Variants in LRP1B observed in about 807,000 individuals in gnomAD.
The protein encoded by LRP1B is low-density lipoprotein receptor-related protein 1B.
Under a neutral mutation model 556.6 loss-of-function variants are expected in LRP1B, and 217 were observed. That is an observed-to-expected ratio of 0.39 (90% CI 0.35 to 0.44). The LOEUF (loss-of-function observed/expected upper bound fraction) is 0.44. LRP1B is among the 20% of genes least tolerant of loss of function. The pLI, the probability that LRP1B is intolerant of heterozygous loss-of-function variation, is 1.00. For synonymous variants in LRP1B, 2,047 were observed against 1,865.8 expected, an observed-to-expected ratio of 1.10 and a Z score of -2.50; for missense variants, 5,053 against 5,620.8, an observed-to-expected ratio of 0.90 and a Z score of 3.23.
intron 3 of LRP1B, among the ~76,000 whole-genome samples, chr2:141,399,775 C>T (rs572431265): frequency 5.3e-5 from 8 of 152,054 alleles, no homozygotes; most frequent in Non-Finnish European, 8.8e-5. Context: ...ATCAGTTTGG[C>T]GAGATAGAAA....
chr2:141,474,050 T>TCCC (rs1298718612), intron 3 of LRP1B, among the ~76,000 whole-genome samples: 57 of 69,260 alleles, frequency 8.2e-4, no homozygotes, highest in African/African-American at 2.2e-3. Context: ...CTTCCTTTCC[T>TCCC]TCCTTCCTCC....
chr2:140,784,361 T>C (rs1449176909), intron 32 of LRP1B, among the ~76,000 whole-genome samples: 1 of 134,340 alleles, frequency 7.4e-6, no homozygotes, highest in Admixed American at 8.1e-5. Flanking sequence ...AAGAGATAAT[T>C]GGAGGATTCT....
At chr2:140,554,854 ATGTGTGTG>A (rs1553485749) in intron 43 of LRP1B, among the ~76,000 whole-genome samples, 4 of 146,004 alleles carry the variant, frequency 2.7e-5, no homozygotes, top group South Asian at 2.2e-4. Context: ...AAGTGTGTGT[ATGTGTGTG>A]TGTGTGTGTG....
chr2:140,522,746 C>T (rs1261356951), intron 49 of LRP1B, among the ~76,000 whole-genome samples: 1 of 151,608 alleles, frequency 6.6e-6, no homozygotes, highest in Non-Finnish European at 1.5e-5. Context: ...ACAACTGATC[C>T]CACAAAATAT....
rs1263105446 is a variant in LRP1B at position 140,330,792 on chromosome 2, AT to A, written c.12223+3660del. 2.6e-5 allele frequency among the ~76,000 whole-genome samples: 4 copies of A among 152,146 alleles called. No homozygotes were observed. The East Asian group carries it at 7.7e-4, about 29-fold the overall frequency. ...TCAGAGTGAACAGACAACCTACAGA[AT>A]GGTAGACAATTTTTGCAATCCACCC... On this transcript the variant is annotated intron_variant, in intron 79 of 90. Transcript: ENST00000389484.
intron 43 of LRP1B, among the ~76,000 whole-genome samples, chr2:140,576,199 T>C (rs1050276143): frequency 7.2e-5 from 11 of 152,194 alleles, no homozygotes; most frequent in African/African-American, 2.4e-4. Flanking sequence ...GCATTCGTGA[T>C]ACTAGCTATA....
chr2:141,986,756 C>T (rs1217070674), intron 1 of LRP1B, among the ~76,000 whole-genome samples: 1 of 151,968 alleles, frequency 6.6e-6, no homozygotes, highest in Non-Finnish European at 1.5e-5. Context: ...TGAGTTCTTT[C>T]TGCATCTAGT....
chr2:141,019,694 A>G (rs911512246), intron 12 of LRP1B, among the ~76,000 whole-genome samples: 3 of 152,038 alleles, frequency 2.0e-5, no homozygotes, highest in Non-Finnish European at 4.4e-5. Flanking sequence ...AAATCAAGTA[A>G]TACATCTTTG....
In LRP1B at chr2:141,945,447, T is replaced by A. The variant is rs148106203; in HGVS notation, c.83-135046A>T. Among the ~76,000 whole-genome samples the A allele has an allele frequency of 4.9e-3, 738 of 152,160 alleles. 10 individuals are homozygous for A. The highest frequency in any genetic ancestry group is 0.017 in the African/African-American group (709 of 41,528). ...AACTTTACCTCTCTTAAGATATGTA[T>A]CATTTCTTTTTGAATTTAATTTTTA... is the stretch of plus-strand genomic sequence containing the variant. On this transcript the variant is annotated intron_variant, in intron 1 of 90. Coordinates refer to ENST00000389484, the MANE Select transcript of LRP1B (RefSeq NM_018557.3).
intron 2 of LRP1B, among the ~76,000 whole-genome samples, chr2:141,589,451 C>G (rs190984343): frequency 6.6e-6 from 1 of 152,066 alleles, no homozygotes; most frequent in Admixed American, 6.6e-5. Flanking sequence ...TTCCTTTGTA[C>G]GCTTTTTATA....
intron 3 of LRP1B, among the ~76,000 whole-genome samples, chr2:141,458,185 G>A (rs773381370): frequency 5.9e-5 from 9 of 152,046 alleles, no homozygotes; most frequent in Middle Eastern, 3.2e-3. Flanking sequence ...TTATTTAGCC[G>A]AGGCTTCTAT....
intron 1 of LRP1B, among the ~76,000 whole-genome samples, chr2:141,975,357 T>G (rs1430170699): frequency 6.6e-6 from 1 of 152,096 alleles, no homozygotes; most frequent in Non-Finnish European, 1.5e-5. Flanking sequence ...TTGATAATTC[T>G]GAGGGTGTCC....
At chr2:141,895,520 A>T (rs7601913) in intron 1 of LRP1B, among the ~76,000 whole-genome samples, 12,039 of 152,260 alleles carry the variant, frequency 0.079, 1,579 homozygotes, top group African/African-American at 0.27. Flanking sequence ...CAAATTCACA[A>T]TGTGTTCCTG....
chr2:140,357,608 A>C (rs1682287332), intron 74 of LRP1B, among the ~76,000 whole-genome samples: 1 of 151,724 alleles, frequency 6.6e-6, no homozygotes, highest in Admixed American at 6.6e-5. Context: ...ATTTTTTTTA[A>C]CATTGAAAAA....
intron 3 of LRP1B, among the ~76,000 whole-genome samples, chr2:141,479,342 T>G (rs1206493565): frequency 1.3e-5 from 2 of 152,156 alleles, no homozygotes; most frequent in Non-Finnish European, 2.9e-5. Context: ...AAAAATAGCA[T>G]CTGACTTTGA....
At chr2:140,494,579 C>T (rs1455104230) in intron 56 of LRP1B, among the ~76,000 whole-genome samples, 2 of 144,178 alleles carry the variant, frequency 1.4e-5, no homozygotes, top group Non-Finnish European at 3.0e-5. Flanking sequence ...TGCACTCCAG[C>T]CTGGGTGACA....
At chr2:141,117,717 G>A (rs1057258457) in intron 7 of LRP1B, among the ~76,000 whole-genome samples, 2 of 151,950 alleles carry the variant, frequency 1.3e-5, no homozygotes, top group Non-Finnish European at 2.9e-5. Flanking sequence ...GCTTTAGTGT[G>A]GTTCCAAGTA....
At chr2:140,363,887 A>G (rs144025177) in intron 72 of LRP1B, among the ~76,000 whole-genome samples, 137 of 151,766 alleles carry the variant, frequency 9.0e-4, no homozygotes, top group African/African-American at 2.9e-3. Flanking sequence ...CCACTGAGTT[A>G]TATCTGATGT....
Position 140,527,525 on chromosome 2 carries a change from G to A in LRP1B, c.7763-1175C>T, listed in dbSNP as rs139872245. Among the ~76,000 whole-genome samples the A allele has an allele frequency of 9.5e-3, 1,442 of 151,862 alleles. 20 individuals are homozygous for A. The highest frequency in any genetic ancestry group is 0.031 in the African/African-American group (1,273 of 41,456). On this transcript the variant is annotated intron_variant, in intron 47 of 90. Coordinates refer to ENST00000389484, the MANE Select transcript of LRP1B (RefSeq NM_018557.3). ...TTATATTGAATTGTATCTCAAAATT[G>A]CATACTTATCTGTTTAAATGATGAT...
Sources: gnomAD v4.1 joint callset for allele counts (sites outside exome capture counted in the v4.1 genomes callset) on GRCh38, gnomAD v4.1.1 for gene constraint, MANE v1.5 for transcripts, NCBI Gene and HGNC (gene_info 2026-07-23, HGNC 2026-07-21) for gene names.